AMBRA1: variants seen among roughly 807,000 people sequenced by gnomAD.
The protein encoded by AMBRA1 is autophagy and beclin 1 regulator 1, also known as activating molecule in BECN1-regulated autophagy protein 1.
In AMBRA1, 47 loss-of-function variants were observed where a neutral mutation model predicts 125.4. The observed-to-expected ratio is 0.37, with a 90% confidence interval of 0.30 to 0.48. The LOEUF (loss-of-function observed/expected upper bound fraction) is 0.48, where lower values mean the gene tolerates loss of function less well. AMBRA1 is among the 20% of genes least tolerant of loss of function. The pLI is 0.99. For synonymous variants in AMBRA1, 626 were observed against 655.5 expected, an observed-to-expected ratio of 0.95 and a Z score of 0.69; for missense variants, 1,331 against 1,693.4, an observed-to-expected ratio of 0.79 and a Z score of 3.76.
chr11:46,587,878 C>T (rs2135339910), intron 1 of AMBRA1, among the ~76,000 whole-genome samples: 1 of 152,232 alleles, frequency 6.6e-6, no homozygotes, highest in Admixed American at 6.5e-5. Flanking sequence ...AACACACAGT[C>T]ACAATCAAGA....
intron 8 of AMBRA1, among the ~76,000 whole-genome samples, chr11:46,509,620 G>T (rs936298636): frequency 6.6e-6 from 1 of 152,058 alleles, no homozygotes; most frequent in African/African-American, 2.4e-5. Context: ...CAATTAAAGA[G>T]AATAAACTAT....
intron 11 of AMBRA1, among the ~76,000 whole-genome samples, chr11:46,457,974 T>C (rs566650751): frequency 2.7e-5 from 4 of 150,364 alleles, no homozygotes; most frequent in African/African-American, 7.3e-5. Flanking sequence ...GATTCTAAAA[T>C]GGAAAAAAGA....
At chr11:46,522,000 TA>T (rs1371145802) in intron 7 of AMBRA1, among the ~76,000 whole-genome samples, 1 of 152,154 alleles carries the variant, frequency 6.6e-6, no homozygotes, top group East Asian at 1.9e-4. Context: ...TACAAAACAT[TA>T]ATGTATTCCT....
intron 9 of AMBRA1, among the ~76,000 whole-genome samples, chr11:46,496,393 A>C (rs1435897521): frequency 1.3e-5 from 2 of 152,166 alleles, no homozygotes; most frequent in Admixed American, 6.5e-5. Flanking sequence ...AAATAAAATA[A>C]AATAAAAAAT....
chr11:46,420,001 C>CACACACACACACACACACACAT (rs1946770303), intron 14 of AMBRA1, among the ~76,000 whole-genome samples: 1 of 151,500 alleles, frequency 6.6e-6, no homozygotes, highest in Admixed American at 6.6e-5. Context: ...TCAATACACA[C>CACACACACACACACACACACAT]ACACACACAC....
intron 1 of AMBRA1, among the ~76,000 whole-genome samples, chr11:46,578,580 C>T (rs2135302165): frequency 6.6e-6 from 1 of 151,702 alleles, no homozygotes; most frequent in East Asian, 1.9e-4. Flanking sequence ...ATATAAATCA[C>T]AAACTATTAA....
intron 9 of AMBRA1, among the ~76,000 whole-genome samples, chr11:46,496,059 G>A (rs1205344077): frequency 6.6e-6 from 1 of 152,086 alleles, no homozygotes; most frequent in African/African-American, 2.4e-5. Flanking sequence ...GGCAACAAGA[G>A]ACTCTCATCT....
At chr11:46,420,340 T>C (rs1946792844) in intron 14 of AMBRA1, among the ~76,000 whole-genome samples, 1 of 152,212 alleles carries the variant, frequency 6.6e-6, no homozygotes, top group African/African-American at 2.4e-5. Flanking sequence ...TGCTTGGCCT[T>C]TGGATCATCT....
rs1949936209 is a variant in AMBRA1, at chr11:46,478,828, T to G, written c.2521+14780A>C. Among the ~76,000 whole-genome samples the G allele has an allele frequency of 2.0e-5, 3 of 152,136 alleles. No individual in the cohort carries two copies. In the South Asian group the frequency reaches 6.2e-4, roughly 32 times the overall value. On this transcript the variant is annotated intron_variant, in intron 11 of 17. Coordinates refer to ENST00000683756, the MANE Select transcript of AMBRA1 (RefSeq NM_001387011.1). The stretch of plus-strand genomic sequence containing the variant: ...CACCACCATGCCCGAAGATATTTCT[T>G]GAAAGTTCTAAATCTGTACCTTTAT...
At chr11:46,478,777 C>A (rs1949934112) in intron 11 of AMBRA1, among the ~76,000 whole-genome samples, 1 of 150,934 alleles carries the variant, frequency 6.6e-6, no homozygotes, top group Non-Finnish European at 1.5e-5. Flanking sequence ...GCCTCAGCCT[C>A]CCGAGTAGCT....
intron 1 of AMBRA1, among the ~76,000 whole-genome samples, chr11:46,558,597 T>G (rs377670476): frequency 2.1e-5 from 3 of 143,646 alleles, no homozygotes; most frequent in East Asian, 4.3e-4. Context: ...TAGTATCTAC[T>G]AATATCTAGC....
intron 14 of AMBRA1, among the ~76,000 whole-genome samples, chr11:46,422,322 T>C (rs576814235): frequency 6.6e-6 from 1 of 152,152 alleles, no homozygotes; most frequent in Non-Finnish European, 1.5e-5. Flanking sequence ...AGAATCAATA[T>C]GCTAGAAAGA....
intron 11 of AMBRA1, among the ~76,000 whole-genome samples, chr11:46,459,253 G>GA (rs1250808112): frequency 2.6e-5 from 4 of 152,052 alleles, no homozygotes; most frequent in Non-Finnish European, 5.9e-5. Context: ...ATTACACATA[G>GA]AAAAAAACTT....
At chr11:46,414,369 T>TA (rs548008317) in intron 15 of AMBRA1, among the ~76,000 whole-genome samples, 5 of 152,272 alleles carry the variant, frequency 3.3e-5, no homozygotes, top group Admixed American at 2.6e-4. Context: ...TGGGTGATGA[T>TA]ACTTGACTAT....
In AMBRA1 at chr11:46,404,379, A is replaced by C. The variant is rs569355190; in HGVS notation, c.3403+4134T>G. Among the ~76,000 whole-genome samples, 4 of 152,246 alleles carry C rather than the reference A, an allele frequency of 2.6e-5. No homozygotes were observed. In the East Asian group the frequency reaches 7.7e-4, roughly 29 times the overall value. On this transcript the variant is annotated intron_variant, in intron 17 of 17. Coordinates refer to ENST00000683756, the MANE Select transcript of AMBRA1 (RefSeq NM_001387011.1). Reference sequence around the variant, plus strand: ...CCTCTGCATGGGGAAATCTGGGCTCAAAGAGAGCCCTGATCCCTGGGCTCC... The same window carrying C: ...CCTCTGCATGGGGAAATCTGGGCTCCAAGAGAGCCCTGATCCCTGGGCTCC...
Position 46,541,934 on chromosome 11 carries a change from C to T in AMBRA1, c.2072+11G>A, listed in dbSNP as rs200921586. On this transcript the variant is annotated intron_variant, in intron 7 of 17. Transcript: ENST00000683756. ...GCAAGGGATGCAGAAGATAGGAAAG[C>T]GACTGCTTACCTCCTGAGTGAATCC... 1,102 of 1,599,256 alleles carry T rather than the reference C, an allele frequency of 6.9e-4. 5 individuals are homozygous for T. Among genetic ancestry groups the T allele is most frequent in the Non-Finnish European group, 8.8e-4 (1,034 of 1,176,520 alleles).
intron 14 of AMBRA1, among the ~76,000 whole-genome samples, chr11:46,418,829 A>G (rs1440022999): frequency 6.6e-6 from 1 of 152,088 alleles, no homozygotes; most frequent in Non-Finnish European, 1.5e-5. Flanking sequence ...CATTGCTTTT[A>G]AATTAACTCC....
chr11:46,563,461 G>C (rs1338381114), intron 1 of AMBRA1, among the ~76,000 whole-genome samples: 2 of 152,134 alleles, frequency 1.3e-5, no homozygotes, highest in Non-Finnish European at 2.9e-5. Context: ...CTGGGCTCAA[G>C]GAATCCTCCC....
At chr11:46,442,800 T>A (rs1348707078) in intron 12 of AMBRA1, among the ~76,000 whole-genome samples, 1 of 152,196 alleles carries the variant, frequency 6.6e-6, no homozygotes, top group East Asian at 1.9e-4. Flanking sequence ...TCTTATAATA[T>A]CACACAGACA....
Sources: gnomAD v4.1 joint callset for allele counts (sites outside exome capture counted in the v4.1 genomes callset) on GRCh38, gnomAD v4.1.1 for gene constraint, MANE v1.5 for transcripts, NCBI Gene and HGNC (gene_info 2026-07-23, HGNC 2026-07-21) for gene names.